Variants in RAB11FIP3 observed in about 807,000 individuals in gnomAD.
The protein encoded by RAB11FIP3 is rab11 family-interacting protein 3.
A neutral mutation model predicts 77.8 loss-of-function variants in RAB11FIP3; 17 were observed. That is an observed-to-expected ratio of 0.22 (90% CI 0.15 to 0.33). The LOEUF is 0.33. RAB11FIP3 is among the 10% of genes least tolerant of loss of function. RAB11FIP3 has a pLI of 1.00. For missense variants in RAB11FIP3, 1,005 were observed against 1,011.2 expected, an observed-to-expected ratio of 0.99 and a Z score of 0.08; for synonymous variants, 437 against 448.2, an observed-to-expected ratio of 0.98 and a Z score of 0.31.
At chr16:484,352 A>AG (rs2056107221) in intron 4 of RAB11FIP3, among the ~76,000 whole-genome samples, 3 of 146,840 alleles carry the variant, frequency 2.0e-5, no homozygotes, top group African/African-American at 7.8e-5. Flanking sequence ...TTGTGGATTT[A>AG]GCCATTTTTT....
intron 6 of RAB11FIP3, among the ~76,000 whole-genome samples, chr16:500,066 C>T (rs1345712719): frequency 6.6e-6 from 1 of 152,238 alleles, no homozygotes; most frequent in African/African-American, 2.4e-5. Flanking sequence ...GGCCTGGCTG[C>T]ATTGCTCACC....
rs764972138 is a variant in RAB11FIP3 at position 461,534 on chromosome 16, C to G, written c.808+37C>G. On this transcript the variant is annotated intron_variant, in intron 2 of 13. Coordinates refer to ENST00000262305, the MANE Select transcript of RAB11FIP3 (RefSeq NM_014700.4). This position sits in a 1 kb window ranked among gnomAD's most constrained non-coding sequence, Gnocchi z 4.5. ...CCGCCATGAGCTCCCACCTCCTCTC[C>G]CGTTCCTCAGCCACCCTCTCAGCCA... 1.3e-6 allele frequency: 2 copies of G among 1,565,634 alleles called. No individual in the cohort carries two copies. Among genetic ancestry groups the G allele is most frequent in the East Asian group, 4.5e-5 (2 of 44,510 alleles).
chr16:467,102 G>A (rs1472704084), intron 2 of RAB11FIP3, among the ~76,000 whole-genome samples: 2 of 152,178 alleles, frequency 1.3e-5, no homozygotes, highest in African/African-American at 4.8e-5. Flanking sequence ...CTTGGGAGCT[G>A]GCTTTCTAGT....
In RAB11FIP3 at chr16:518,624, C is replaced by T. The variant is rs148626673; in HGVS notation, c.1641-319C>T. On this transcript the variant is annotated intron_variant, in intron 9 of 13. Coordinates refer to ENST00000262305, the MANE Select transcript of RAB11FIP3 (RefSeq NM_014700.4). ...CCTGTAATCCCAGCTACTCAGGAGG[C>T]TGAGGCAGGAGAATCGCTTGAACCC... Among the ~76,000 whole-genome samples the T allele has an allele frequency of 6.8e-3, 1,034 of 152,252 alleles. 12 individuals carry two copies. The highest frequency in any genetic ancestry group is 0.024 in the African/African-American group (984 of 41,540).
intron 1 of RAB11FIP3, among the ~76,000 whole-genome samples, chr16:458,974 C>G (rs1306685437): frequency 6.6e-6 from 1 of 152,204 alleles, no homozygotes; most frequent in African/African-American, 2.4e-5. Context: ...CTGGTGACAT[C>G]TGTGCCTCAC....
chr16:478,340 G>A (rs1001935453), intron 3 of RAB11FIP3, among the ~76,000 whole-genome samples: 5 of 151,848 alleles, frequency 3.3e-5, no homozygotes, highest in Admixed American at 6.6e-5. Context: ...CTGCAGGCAC[G>A]TGCCACCACG....
At chr16:486,253 G>T (rs183415755) in intron 4 of RAB11FIP3, among the ~76,000 whole-genome samples, 21 of 152,258 alleles carry the variant, frequency 1.4e-4, no homozygotes, top group Non-Finnish European at 2.5e-4. Context: ...CAGCCCTTTG[G>T]GGGGCCGAGG....
intron 3 of RAB11FIP3, among the ~76,000 whole-genome samples, chr16:481,218 A>T (rs1439453496): frequency 6.6e-6 from 1 of 151,976 alleles, no homozygotes; most frequent in African/African-American, 2.4e-5. Context: ...TTTGGGCTCA[A>T]ATGGTCCTCC....
intron 1 of RAB11FIP3, among the ~76,000 whole-genome samples, chr16:444,816 C>G (rs933157136): frequency 6.7e-6 from 1 of 149,736 alleles, no homozygotes; most frequent in Non-Finnish European, 1.5e-5. Context: ...GAGACTATCT[C>G]TATTAAAAAA....
intron 9 of RAB11FIP3, among the ~76,000 whole-genome samples, chr16:512,310 G>A (rs572105424): frequency 1.3e-5 from 2 of 151,922 alleles, no homozygotes; most frequent in South Asian, 4.2e-4. Flanking sequence ...GCGCGATCTC[G>A]GCTCACTGCA....
Position 506,329 on chromosome 16 carries a change from A to G in RAB11FIP3, c.1499+702A>G, listed in dbSNP as rs2031873514. On this transcript the variant is annotated intron_variant, in intron 8 of 13. Transcript: ENST00000262305. This position sits in a 1 kb window ranked among gnomAD's most constrained non-coding sequence, Gnocchi z 4.5. ...GTCCCAGGAGTCAGCTACCCAGGCT[A>G]TGACACCTGTAGCTGGGCACCGGCA... is the stretch of plus-strand genomic sequence containing the variant. Among the ~76,000 whole-genome samples, 1 of 152,152 alleles carries G rather than the reference A, an allele frequency of 6.6e-6. No homozygotes were observed. The highest frequency in any genetic ancestry group is 6.5e-5 in the Admixed American group (1 of 15,278).
chr16:458,815 C>G (rs1756234836), intron 1 of RAB11FIP3, among the ~76,000 whole-genome samples: 1 of 152,198 alleles, frequency 6.6e-6, no homozygotes, highest in African/African-American at 2.4e-5. Flanking sequence ...TTCTCCCTGG[C>G]CCACACTTCT....
chr16:498,663 C>T lies in RAB11FIP3; in HGVS notation c.1301+1804C>T, dbSNP rs77401347. Among the ~76,000 whole-genome samples the T allele has an allele frequency of 5.8e-3, 886 of 152,180 alleles. 4 individuals are homozygous for T. Among genetic ancestry groups the T allele is most frequent in the African/African-American group, 0.02 (825 of 41,524 alleles). On this transcript the variant is annotated intron_variant, in intron 6 of 13. Transcript: ENST00000262305. Reference sequence around the variant, plus strand: ...CCTCCCGAGCAGCTGAGACCACAGGCGCATGCCACCATACCCAGATGATTT... The same window carrying T: ...CCTCCCGAGCAGCTGAGACCACAGGTGCATGCCACCATACCCAGATGATTT...
chr16:479,388 T>C (rs925037897), intron 3 of RAB11FIP3, among the ~76,000 whole-genome samples: 2 of 151,906 alleles, frequency 1.3e-5, no homozygotes, highest in South Asian at 2.1e-4. Flanking sequence ...TGAGACTCTA[T>C]CTCAAAAAAA....
chr16:453,817 A>G (rs2141622032), intron 1 of RAB11FIP3, among the ~76,000 whole-genome samples: 1 of 151,516 alleles, frequency 6.6e-6, no homozygotes, highest in Non-Finnish European at 1.5e-5. Context: ...CTGGTCTCGA[A>G]CTCCAGAGCT....
At chr16:509,455 C>T (rs2032028265) in intron 8 of RAB11FIP3, among the ~76,000 whole-genome samples, 1 of 152,224 alleles carries the variant, frequency 6.6e-6, no homozygotes, top group African/African-American at 2.4e-5. Flanking sequence ...CTGTTCACTC[C>T]TGCGTGTGAG....
At chr16:520,388 C>A in intron 12 of RAB11FIP3, 71 bp from the exon 13 acceptor site, 1 of 1,592,942 alleles carries the variant, frequency 6.3e-7, no homozygotes, top group South Asian at 1.1e-5. Context: ...CCTTTTTCCC[C>A]GGGCAGTCCT....
intron 3 of RAB11FIP3, among the ~76,000 whole-genome samples, chr16:475,650 C>G (rs908624681): frequency 3.9e-5 from 6 of 152,192 alleles, no homozygotes; most frequent in Admixed American, 6.5e-5. Context: ...CATGAGCTGT[C>G]TGGAACCCCC....
chr16:487,072 C>T (rs2056168958), intron 4 of RAB11FIP3, among the ~76,000 whole-genome samples: 2 of 151,804 alleles, frequency 1.3e-5, no homozygotes, highest in South Asian at 4.2e-4. Context: ...ACAGGCAGCG[C>T]CAAGTTGAAG....
Sources: gnomAD v4.1 joint callset for allele counts (sites outside exome capture counted in the v4.1 genomes callset) on GRCh38, gnomAD v4.1.1 for gene constraint, Gnocchi (gnomAD v3.1) non-coding constraint, MANE v1.5 for transcripts, NCBI Gene and HGNC (gene_info 2026-07-23, HGNC 2026-07-21) for gene names.